Variants in CNOT6 observed in about 807,000 individuals in gnomAD.
The protein encoded by CNOT6 is CCR4-NOT transcription complex subunit 6.
In CNOT6, 12 loss-of-function variants were observed where a neutral mutation model predicts 61.2. The ratio of observed to expected loss-of-function variants is 0.20; its 90% CI spans 0.13 to 0.32. CNOT6 has a LOEUF of 0.32. Ranked by LOEUF, CNOT6 falls within the 10% of genes least tolerant of loss-of-function variation. The probability of loss-of-function intolerance (pLI) is 1.00; values close to 1 mark genes in which losing one functional copy is unlikely to be tolerated. For missense variants in CNOT6, 405 were observed against 663.9 expected (o/e 0.61, Z 4.28); for synonymous variants, 225 against 240.6 (o/e 0.94, Z 0.60).
intron 7 of CNOT6, among the ~76,000 whole-genome samples, chr5:180,566,507 T>C (rs750048617): frequency 6.6e-6 from 1 of 152,146 alleles, no homozygotes; most frequent in Non-Finnish European, 1.5e-5. Flanking sequence ...CATAAGGAAA[T>C]ACACATGCAT....
At chr5:180,541,441 ATTTTTTTTTTTTTTTT>A (rs1163850404) in intron 2 of CNOT6, among the ~76,000 whole-genome samples, 1 of 106,538 alleles carries the variant, frequency 9.4e-6, no homozygotes, top group Non-Finnish European at 1.7e-5. Context: ...TGGCCAAGAA[ATTTTTTTTTTTTTTTT>A]TTTTTTTTTT....
Position 180,552,111 on chromosome 5 carries a change from T to C in CNOT6, c.300-1275T>C, listed in dbSNP as rs1406203949. Among the ~76,000 whole-genome samples, 20 of 151,872 alleles carry C rather than the reference T, an allele frequency of 1.3e-4. 2 individuals carry two copies. Among genetic ancestry groups the C allele is most frequent in the African/African-American group, 4.3e-4 (18 of 41,500 alleles). On this transcript the variant is annotated intron_variant, in intron 3 of 11. Transcript: ENST00000261951. ...CTCAAACTCCTGACCTCAAATGATC[T>C]GCCTGCCTCGGCCTCCCAAAGTGCT...
chr5:180,524,720 C>G (rs1389697935), intron 1 of CNOT6, among the ~76,000 whole-genome samples: 1 of 152,172 alleles, frequency 6.6e-6, no homozygotes, highest in Non-Finnish European at 1.5e-5. Flanking sequence ...TTGATTCACA[C>G]TAAGCTTACA....
intron 4 of CNOT6, among the ~76,000 whole-genome samples, chr5:180,557,063 G>T (rs908486702): frequency 6.6e-6 from 1 of 152,136 alleles, no homozygotes; most frequent in Non-Finnish European, 1.5e-5. Context: ...CTGGTTGCAT[G>T]TATTGATAGT....
At chr5:180,496,507 A>G (rs775800387) in intron 1 of CNOT6, among the ~76,000 whole-genome samples, 13 of 152,148 alleles carry the variant, frequency 8.5e-5, no homozygotes, top group Non-Finnish European at 1.6e-4. Context: ...GTCACTTCTC[A>G]GTCGATGAAC....
intron 1 of CNOT6, among the ~76,000 whole-genome samples, chr5:180,508,755 T>A (rs1174456309): frequency 1.3e-5 from 2 of 152,096 alleles, no homozygotes; most frequent in African/African-American, 4.8e-5. Flanking sequence ...CCCAGGTAGC[T>A]GGGACTGCAG....
At chr5:180,562,324 T>C (rs904360414) in intron 4 of CNOT6, among the ~76,000 whole-genome samples, 2 of 152,266 alleles carry the variant, frequency 1.3e-5, no homozygotes, top group African/African-American at 4.8e-5. Flanking sequence ...ACTTCTCATT[T>C]ACTTTTTTGT....
At chr5:180,538,710 A>ATATATT in intron 2 of CNOT6, among the ~76,000 whole-genome samples, 1 of 145,800 alleles carries the variant, frequency 6.9e-6, no homozygotes, top group Admixed American at 6.8e-5. Flanking sequence ...ATATATATAT[A>ATATATT]TATATACAAA....
At chr5:180,535,808 C>T (rs1298888682) in intron 2 of CNOT6, among the ~76,000 whole-genome samples, 1 of 152,076 alleles carries the variant, frequency 6.6e-6, no homozygotes, top group Non-Finnish European at 1.5e-5. Context: ...CACATCCTTG[C>T]CAGCATCTGT....
intron 1 of CNOT6, chr5:180,495,800 C>A (rs953359156): frequency 6.6e-6 from 1 of 152,212 alleles, no homozygotes; most frequent in South Asian, 2.1e-4. Context: ...CTAGAATTTA[C>A]TACTCTAGAA....
chr5:180,536,789 A>G (rs1402486013), intron 2 of CNOT6, among the ~76,000 whole-genome samples: 1 of 152,056 alleles, frequency 6.6e-6, no homozygotes, highest in African/African-American at 2.4e-5. Flanking sequence ...GCAAGTTTTT[A>G]TATTTTAATT....
chr5:180,505,492 G>T (rs375448978), intron 1 of CNOT6, among the ~76,000 whole-genome samples: 1 of 148,528 alleles, frequency 6.7e-6, no homozygotes, highest in East Asian at 2.0e-4. Context: ...TCCTGACCTC[G>T]TGATCCGCCC....
At chr5:180,540,698 C>A (rs1758988244) in intron 2 of CNOT6, among the ~76,000 whole-genome samples, 1 of 152,190 alleles carries the variant, frequency 6.6e-6, no homozygotes, top group South Asian at 2.1e-4. Context: ...TTTAAACTTA[C>A]AATGTTTTTA....
intron 2 of CNOT6, among the ~76,000 whole-genome samples, chr5:180,539,469 T>G (rs557752396): frequency 6.6e-6 from 1 of 151,562 alleles, no homozygotes; most frequent in Admixed American, 6.6e-5. Context: ...GGTAATAGTT[T>G]TTTGGGCATG....
At chr5:180,511,192 T>C (rs1757374155) in intron 1 of CNOT6, among the ~76,000 whole-genome samples, 1 of 150,144 alleles carries the variant, frequency 6.7e-6, no homozygotes, top group Admixed American at 6.6e-5. Context: ...TTAAATTTTT[T>C]GGAGGGCAGG....
At chr5:180,530,734 C>CCACT (rs1758317176) in intron 2 of CNOT6, among the ~76,000 whole-genome samples, 1 of 152,168 alleles carries the variant, frequency 6.6e-6, no homozygotes, top group East Asian at 1.9e-4. Context: ...GTGTTTGTGT[C>CCACT]CCTGGGTAGT....
At chr5:180,529,152 C>G (rs1033579557) in intron 1 of CNOT6, 123 bp from the exon 2 acceptor site, 1 of 643,582 alleles carries the variant, frequency 1.6e-6, no homozygotes, top group African/African-American at 1.9e-5. Context: ...GAGCCAAAAT[C>G]GTGCCACTGC....
At chr5:180,551,526 C>T (rs1759602193) in intron 3 of CNOT6, among the ~76,000 whole-genome samples, 1 of 152,194 alleles carries the variant, frequency 6.6e-6, no homozygotes, top group African/African-American at 2.4e-5. Context: ...GCATGAGCCA[C>T]TGTGGCTGGC....
intron 1 of CNOT6, among the ~76,000 whole-genome samples, chr5:180,501,097 A>G (rs1045564331): frequency 2.6e-5 from 4 of 152,148 alleles, no homozygotes; most frequent in Non-Finnish European, 4.4e-5. Flanking sequence ...GATTTCCTGT[A>G]TATGATAGAA....
Sources: allele counts gnomAD v4.1 joint callset (sites outside exome capture counted in the v4.1 genomes callset), GRCh38; gene constraint gnomAD v4.1.1; transcripts MANE v1.5; gene names NCBI Gene and HGNC (gene_info 2026-07-23, HGNC 2026-07-21).